The following HERC1 variants were observed in gnomAD, a reference collection of about 807,000 sequenced individuals.
The protein encoded by HERC1 is probable E3 ubiquitin-protein ligase HERC1.
In HERC1, 160 loss-of-function variants were observed where a neutral mutation model predicts 554.3. The observed-to-expected ratio is 0.29, with a 90% confidence interval of 0.25 to 0.33. The LOEUF is 0.33. Among genes scored for constraint, HERC1 ranks in the 10% least tolerant of loss-of-function variants. The probability of loss-of-function intolerance (pLI) is 1.00; values close to 1 mark genes in which losing one functional copy is unlikely to be tolerated. For synonymous variants in HERC1, 2,175 were observed against 2,131.7 expected, an observed-to-expected ratio of 1.02 and a Z score of -0.56; for missense variants, 4,919 against 5,918.5, an observed-to-expected ratio of 0.83 and a Z score of 5.54.
Position 63,734,647 on chromosome 15 carries a change from TTTA to T in HERC1, c.2646+74_2646+76del. On this transcript the variant is annotated intron_variant, in intron 13 of 77. Coordinates refer to ENST00000443617, the MANE Select transcript of HERC1 (RefSeq NM_003922.4). The surrounding 1 kb of genome is among the most constrained non-coding windows in gnomAD (Gnocchi z 4.6). ...CTTATGCTCCAAGAACACATGGCAATTTATTAGTTTTATTTCCTTCTCAGTCCA... is the reference window on the plus strand; with the variant it reads ...CTTATGCTCCAAGAACACATGGCAATTTAGTTTTATTTCCTTCTCAGTCCA... The T allele has an allele frequency of 1.6e-6, 2 of 1,217,940 alleles. No homozygotes were observed. Among genetic ancestry groups the T allele is most frequent in the Non-Finnish European group, 2.3e-6 (2 of 886,748 alleles). 75.4% of individuals were successfully genotyped at this position (1,217,940 alleles called of 1,614,324 possible).
chr15:63,811,618 G>A lies in HERC1; in HGVS notation c.-27+22209C>T, dbSNP rs1424233689. ...AGGTCGGGAGATCGAGACCATCCTG[G>A]CTAACATGGTGAAACCCCGTCTCTC... On this transcript the variant is annotated intron_variant, in intron 1 of 77. Transcript: ENST00000443617. 3.9e-5 allele frequency among the ~76,000 whole-genome samples: 6 copies of A among 151,986 alleles called. No homozygotes were observed. The East Asian group carries it at 1.2e-3, about 29-fold the overall frequency.
intron 21 of HERC1, among the ~76,000 whole-genome samples, chr15:63,717,919 A>G (rs1425162543): frequency 2.6e-5 from 4 of 152,152 alleles, no homozygotes; most frequent in African/African-American, 4.8e-5. Context: ...CCAATGGTAG[A>G]CAACTCTAAT....
At chr15:63,757,616 T>C (rs994304921) in intron 4 of HERC1, among the ~76,000 whole-genome samples, 18 of 152,138 alleles carry the variant, frequency 1.2e-4, no homozygotes, top group African/African-American at 4.1e-4. Context: ...GTAAAGTCTG[T>C]TGCTATTCTT....
intron 74 of HERC1, among the ~76,000 whole-genome samples, chr15:63,620,388 T>C (rs1443879627): frequency 6.6e-6 from 1 of 151,932 alleles, no homozygotes; most frequent in Admixed American, 6.6e-5. Context: ...TTCTTTTACA[T>C]TTGCTGAGGA....
intron 1 of HERC1, among the ~76,000 whole-genome samples, chr15:63,799,089 A>T (rs1436039680): frequency 6.6e-6 from 1 of 152,210 alleles, no homozygotes; most frequent in Non-Finnish European, 1.5e-5. Context: ...AGTTAACTTC[A>T]AATCAGTCAA....
At chr15:63,647,184 T>G (rs573210617) in intron 55 of HERC1, among the ~76,000 whole-genome samples, 1 of 151,642 alleles carries the variant, frequency 6.6e-6, no homozygotes, top group African/African-American at 2.4e-5. Context: ...AACCTGGGGG[T>G]TGGAAATTGC....
intron 14 of HERC1, among the ~76,000 whole-genome samples, chr15:63,731,767 T>G (rs2074304540): frequency 6.6e-6 from 1 of 152,190 alleles, no homozygotes; most frequent in South Asian, 2.1e-4. Flanking sequence ...CAAAGTTAAG[T>G]TACACAGTAC....
chr15:63,656,065 G>A (rs1566978502), intron 49 of HERC1, 23 bp downstream of exon 49: 13 of 1,607,180 alleles, frequency 8.1e-6, no homozygotes, highest in East Asian at 6.7e-5. Flanking sequence ...ATGTAACGGG[G>A]AAAAGTACTG....
intron 1 of HERC1, among the ~76,000 whole-genome samples, chr15:63,790,843 AC>A (rs1317825668): frequency 6.6e-6 from 1 of 151,770 alleles, no homozygotes; most frequent in African/African-American, 2.4e-5. Flanking sequence ...GAAAGGAAAA[AC>A]AAAAAAAGTT....
At position 63,746,906 on chromosome 15, in the gene HERC1, C is replaced by T. The variant is rs776436089; in HGVS notation, c.2520+12G>A. 2.6e-6 allele frequency: 4 copies of T among 1,550,754 alleles called. No homozygotes were observed. The South Asian group carries it at 3.6e-5, about 14-fold the overall frequency. Reference sequence around the variant, plus strand: ...GGTTTGAGATACAGATTCACAAGTCCTATTCTCTTACCTCTTGGATTTCAT... The same window carrying T: ...GGTTTGAGATACAGATTCACAAGTCTTATTCTCTTACCTCTTGGATTTCAT... On this transcript the variant is annotated intron_variant, in intron 12 of 77. Transcript: ENST00000443617.
chr15:63,830,991 G>T (rs552971073), intron 1 of HERC1, among the ~76,000 whole-genome samples: 1 of 152,294 alleles, frequency 6.6e-6, no homozygotes, highest in African/African-American at 2.4e-5. Flanking sequence ...CTCTGTAAAT[G>T]ATTTGACCAA....
At position 63,652,456 on chromosome 15, in the gene HERC1, T is replaced by C. The variant is rs780554938; in HGVS notation, c.10376A>G (p.Lys3459Arg). 9 of 1,612,698 alleles carry C rather than the reference T, an allele frequency of 5.6e-6. No individual in the cohort carries two copies. The highest frequency in any genetic ancestry group is 7.6e-6 in the Non-Finnish European group (9 of 1,179,180). ...GGTCTGTTGCAGTGAATATTGCTTC[T>C]TGGTAACATTCCATACGCGGATGGT... ...DGTIRVWNVT[K>R]KQYSLQQTCV... is the part of the protein sequence containing the mutation. Residue 3459 changes from lysine to arginine, a missense_variant, in exon 52 of 78, where the codon AAG becomes AGG. This residue lies in a region of HERC1 where 1,963 missense variants were observed against 2,228.6 expected (regional missense o/e 0.88). Transcript: ENST00000443617.
chr15:63,787,875 C>T (rs1198305161), intron 1 of HERC1, among the ~76,000 whole-genome samples: 3 of 150,034 alleles, frequency 2.0e-5, no homozygotes, highest in Admixed American at 6.7e-5. Flanking sequence ...CTGGGGAGGC[C>T]GCCTGAGTCC....
intron 1 of HERC1, among the ~76,000 whole-genome samples, chr15:63,819,639 A>G (rs1162266272): frequency 6.6e-6 from 1 of 152,208 alleles, no homozygotes; most frequent in Non-Finnish European, 1.5e-5. Context: ...GCTTTAAGAA[A>G]TCAAAGCAAT....
At chr15:63,741,115 G>A (rs1199821924) in intron 12 of HERC1, among the ~76,000 whole-genome samples, 3 of 151,728 alleles carry the variant, frequency 2.0e-5, no homozygotes, top group South Asian at 2.1e-4. Flanking sequence ...TGCAACCTCT[G>A]CCTCCCAGGT....
intron 1 of HERC1, among the ~76,000 whole-genome samples, chr15:63,812,308 A>C (rs1567153057): frequency 6.6e-6 from 1 of 152,244 alleles, no homozygotes; most frequent in Non-Finnish European, 1.5e-5. Context: ...CATTGTTTCA[A>C]AACAGTAGGA....
chr15:63,753,002 A>T lies in HERC1; in HGVS notation c.1858T>A (p.Cys620Ser). The change falls in exon 8 of 78, where the codon TGT becomes AGT. Residue 620 changes from cysteine to serine, a missense_variant. This residue lies in a region of HERC1 where 744 missense variants were observed against 1,090.0 expected (regional missense o/e 0.68). Coordinates refer to ENST00000443617, the MANE Select transcript of HERC1 (RefSeq NM_003922.4). ...ALQGMFIRKV[C>S]AGSQSSLALT... Reference sequence around the variant, plus strand: ...GCAAGTGAAGACTGGCTCCCAGCACAAACTTTGCGAATGAACATTCCTTGT... The same window carrying T: ...GCAAGTGAAGACTGGCTCCCAGCACTAACTTTGCGAATGAACATTCCTTGT... The T allele has an allele frequency of 4.3e-6, 7 of 1,613,730 alleles. No homozygotes were observed. The highest frequency in any genetic ancestry group is 5.9e-6 in the Non-Finnish European group (7 of 1,179,704).
At position 63,624,136 on chromosome 15, in the gene HERC1, A is replaced by G. The variant is rs755880560; in HGVS notation, c.13445+22T>C. 43 of 1,574,170 alleles carry G rather than the reference A, an allele frequency of 2.7e-5. No homozygotes were observed. In the Admixed American group the frequency reaches 8.0e-4, roughly 29 times the overall value. Reference sequence around the variant, plus strand: ...CTGAAAAAATCACAGCTCATTAGTCAAACACACATACATATGCTAACCTGG... The same window carrying G: ...CTGAAAAAATCACAGCTCATTAGTCGAACACACATACATATGCTAACCTGG... On this transcript the variant is annotated intron_variant, in intron 72 of 77. Coordinates refer to ENST00000443617, the MANE Select transcript of HERC1 (RefSeq NM_003922.4).
rs569808264 is a variant in HERC1, at chr15:63,699,076, G to A, written c.4637-80C>T. On this transcript the variant is annotated intron_variant, in intron 25 of 77. Coordinates refer to ENST00000443617, the MANE Select transcript of HERC1 (RefSeq NM_003922.4). ...CTGAAACTAGATAAGGCTGAGTGCT[G>A]CTACCATAACCAACTGGTGAAAAAT... The A allele has an allele frequency of 3.0e-5, 38 of 1,275,196 alleles. No homozygotes were observed. In the South Asian group the frequency reaches 5.2e-4, roughly 17 times the overall value. The allele number at this position is 1,275,196 out of a possible 1,614,324, so 79.0% of individuals were successfully genotyped here.
Sources: allele counts gnomAD v4.1 joint callset (sites outside exome capture counted in the v4.1 genomes callset), GRCh38; gene constraint gnomAD v4.1.1; regional missense constraint gnomAD v4.1.1; non-coding constraint Gnocchi (gnomAD v3.1); transcripts MANE v1.5; gene names NCBI Gene and HGNC (gene_info 2026-07-23, HGNC 2026-07-21).